Variants in FAP observed in about 807,000 individuals in gnomAD.
The protein encoded by FAP is prolyl endopeptidase FAP.
FAP carries 110 observed loss-of-function variants against 126.5 expected under a neutral mutation model. That is an observed-to-expected ratio of 0.87 (90% CI 0.74 to 1.02). The LOEUF (loss-of-function observed/expected upper bound fraction) is 1.02. Ranked by LOEUF, FAP falls within the 50% of genes least tolerant of loss-of-function variation. The probability of loss-of-function intolerance (pLI) is 0.00; values close to 1 mark genes in which losing one functional copy is unlikely to be tolerated. For synonymous variants in FAP, 334 were observed against 297.3 expected (o/e 1.12, Z -1.27); for missense variants, 919 against 909.2 (o/e 1.01, Z -0.14).
chr2:162,219,269 C>T (rs866746456), intron 7 of FAP, 86 bp from the exon 8 acceptor site: 16 of 1,287,908 alleles, frequency 1.2e-5, no homozygotes, highest in African/African-American at 4.6e-5. Context: ...TACCTTTAAA[C>T]AGAGTGGTAA....
intron 4 of FAP, among the ~76,000 whole-genome samples, chr2:162,225,131 T>C (rs1689581168): frequency 6.6e-6 from 1 of 152,134 alleles, no homozygotes; most frequent in South Asian, 2.1e-4. Flanking sequence ...CCAAGGAAAA[T>C]ACCGAGGCAT....
intron 10 of FAP, 40 bp from the exon 11 acceptor site, chr2:162,214,113 C>A (rs1336061340): frequency 6.3e-7 from 1 of 1,599,678 alleles, no homozygotes; most frequent in Non-Finnish European, 8.5e-7. Flanking sequence ...AACCATAAAC[C>A]AGTTTCACAC....
chr2:162,204,305 G>A (rs1345338869), intron 12 of FAP, among the ~76,000 whole-genome samples: 1 of 152,170 alleles, frequency 6.6e-6, no homozygotes, highest in African/African-American at 2.4e-5. Flanking sequence ...TTATAACTGT[G>A]TGACATTAAA....
chr2:162,200,564 A>G lies in FAP; in HGVS notation c.1277+2T>C. Reference sequence around the variant, plus strand: ...ATACCAGAATGAATGGACATAAATTACCTGTAGATGTTTCTTCTTCCAGGG... The same window carrying G: ...ATACCAGAATGAATGGACATAAATTGCCTGTAGATGTTTCTTCTTCCAGGG... On this transcript the variant is annotated splice_donor_variant, in intron 15 of 25. Transcript: ENST00000188790. LOFTEE classifies it high-confidence loss of function. 2.0e-6 allele frequency: 3 copies of G among 1,474,748 alleles called. No homozygotes were observed. The highest frequency in any genetic ancestry group is 2.8e-6 in the Non-Finnish European group (3 of 1,070,688). The allele number at this position is 1,474,748 out of a possible 1,614,324, so 91.4% of individuals were successfully genotyped here.
chr2:162,216,966 T>G (rs1003216236), intron 9 of FAP, among the ~76,000 whole-genome samples: 1 of 152,238 alleles, frequency 6.6e-6, no homozygotes, highest in Non-Finnish European at 1.5e-5. Context: ...CGTCTCTTCC[T>G]GCTCCCATAG....
intron 9 of FAP, among the ~76,000 whole-genome samples, chr2:162,217,689 AG>A (rs771441260): frequency 2.4e-4 from 36 of 152,326 alleles, no homozygotes; most frequent in Admixed American, 1.4e-3. Flanking sequence ...CTGAATTTGG[AG>A]CATGAAATAT....
At chr2:162,219,954 C>A (rs765307766) in intron 6 of FAP, 29 bp from the exon 7 acceptor site, 8 of 1,498,146 alleles carry the variant, frequency 5.3e-6, no homozygotes, top group Non-Finnish European at 5.6e-6. Flanking sequence ...AGAAAAACAA[C>A]AAACCTTGCT....
At chr2:162,184,271 T>A (rs961063500) in intron 20 of FAP, among the ~76,000 whole-genome samples, 3 of 152,074 alleles carry the variant, frequency 2.0e-5, no homozygotes, top group African/African-American at 7.2e-5. Context: ...GCAAACTGGA[T>A]CAGCCATTGC....
At chr2:162,207,694 T>TA (rs1688757961) in intron 12 of FAP, among the ~76,000 whole-genome samples, 1 of 151,024 alleles carries the variant, frequency 6.6e-6, no homozygotes, top group South Asian at 2.1e-4. Flanking sequence ...AAAGGAGACA[T>TA]ATGTGCCTCC....
intron 2 of FAP, among the ~76,000 whole-genome samples, chr2:162,227,818 T>A (rs897664027): frequency 1.3e-5 from 2 of 152,170 alleles, no homozygotes; most frequent in Non-Finnish European, 2.9e-5. Flanking sequence ...ACTCTTTCTG[T>A]AGGGTGTCTA....
intron 20 of FAP, among the ~76,000 whole-genome samples, chr2:162,187,266 T>C (rs1251593536): frequency 6.6e-6 from 1 of 152,074 alleles, no homozygotes; most frequent in Non-Finnish European, 1.5e-5. Flanking sequence ...ATTAATAACA[T>C]TAAGGGGATA....
At chr2:162,216,786 A>C (rs555010637) in intron 9 of FAP, among the ~76,000 whole-genome samples, 3 of 152,360 alleles carry the variant, frequency 2.0e-5, no homozygotes, top group African/African-American at 7.2e-5. Flanking sequence ...AACGTCTCTT[A>C]GGACCTCCGT....
intron 2 of FAP, among the ~76,000 whole-genome samples, chr2:162,241,182 G>C (rs1047615350): frequency 6.6e-6 from 1 of 152,132 alleles, no homozygotes; most frequent in Admixed American, 6.5e-5. Context: ...ATTTCACTGA[G>C]TACTTGAGTT....
Position 162,188,121 on chromosome 2 carries a change from A to C in FAP, c.1814+48T>G, listed in dbSNP as rs1687916897. ...AATGGAGAAACACAATAGTGATTGC[A>C]TGACTTTTGTTGCATGTTGACATCT... On this transcript the variant is annotated intron_variant, in intron 20 of 25. Transcript: ENST00000188790. The C allele has an allele frequency of 2.8e-6, 4 of 1,452,658 alleles. No individual in the cohort carries two copies. The African/African-American group carries it at 5.6e-5, about 20-fold the overall frequency. The allele number at this position is 1,452,658 out of a possible 1,614,324, so 90.0% of individuals were successfully genotyped here. A position where few individuals can be genotyped will look rare whatever the true frequency, so the allele number is the denominator to read the frequency against.
intron 21 of FAP, among the ~76,000 whole-genome samples, chr2:162,181,413 C>T (rs1023428360): frequency 1.3e-4 from 20 of 152,176 alleles, no homozygotes; most frequent in African/African-American, 3.4e-4. Context: ...CTTATTCAGA[C>T]TCATTTTCTA....
chr2:162,216,683 A>C (rs1689171808), intron 9 of FAP, among the ~76,000 whole-genome samples: 1 of 152,206 alleles, frequency 6.6e-6, no homozygotes, highest in African/African-American at 2.4e-5. Flanking sequence ...GAAAGAGAGA[A>C]TCTTGGAGTT....
intron 2 of FAP, among the ~76,000 whole-genome samples, chr2:162,238,341 G>A (rs1389959506): frequency 6.6e-6 from 1 of 152,164 alleles, no homozygotes; most frequent in Non-Finnish European, 1.5e-5. Context: ...ATGACTGGAT[G>A]TTCTCGTTGA....
intron 2 of FAP, among the ~76,000 whole-genome samples, chr2:162,240,929 G>A (rs1690322620): frequency 6.6e-6 from 1 of 152,142 alleles, no homozygotes; most frequent in East Asian, 1.9e-4. Flanking sequence ...CCAGTGAGAT[G>A]TGAGAAGAAA....
intron 20 of FAP, 47 bp from the exon 21 acceptor site, chr2:162,183,515 G>A: frequency 1.1e-5 from 12 of 1,052,412 alleles, no homozygotes; most frequent in Non-Finnish European, 1.5e-5. Flanking sequence ...GTATACACAT[G>A]ACATTTACTT....
Sources: allele counts gnomAD v4.1 joint callset (sites outside exome capture counted in the v4.1 genomes callset), GRCh38; gene constraint gnomAD v4.1.1; transcripts MANE v1.5; gene names NCBI Gene and HGNC (gene_info 2026-07-23, HGNC 2026-07-21).